Variants in ADK observed in about 807,000 individuals in gnomAD.
The protein encoded by ADK is N6,N6-dimethyladenosine kinase.
A neutral mutation model predicts 44.7 loss-of-function variants in ADK; 24 were observed. That is an observed-to-expected ratio of 0.54 (90% CI 0.39 to 0.76). The LOEUF is 0.76. Among genes scored for constraint, ADK ranks in the 30% least tolerant of loss-of-function variants. ADK has a pLI of 0.00. For synonymous variants in ADK, 128 were observed against 142.6 expected (o/e 0.90, Z 0.73); for missense variants, 321 against 425.1 (o/e 0.76, Z 2.15).
chr10:74,259,314 A>G (rs982245600), intron 3 of ADK, among the ~76,000 whole-genome samples: 1 of 151,050 alleles, frequency 6.6e-6, no homozygotes, highest in Non-Finnish European at 1.5e-5. Flanking sequence ...TTTCAGAATT[A>G]TGTTAAATAA....
intron 7 of ADK, among the ~76,000 whole-genome samples, chr10:74,560,522 A>G (rs186744211): frequency 6.6e-6 from 1 of 152,372 alleles, no homozygotes; most frequent in East Asian, 1.9e-4. Flanking sequence ...TAGGATGATT[A>G]GCAGCTAATT....
chr10:74,672,635 AT>A (rs1855231819), intron 10 of ADK, among the ~76,000 whole-genome samples: 1 of 152,216 alleles, frequency 6.6e-6, no homozygotes, highest in African/African-American at 2.4e-5. Flanking sequence ...TGAGATGAAC[AT>A]CCTAATGTCA....
At chr10:74,292,793 C>T (rs910763435) in intron 3 of ADK, among the ~76,000 whole-genome samples, 1 of 152,004 alleles carries the variant, frequency 6.6e-6, no homozygotes, top group Non-Finnish European at 1.5e-5. Flanking sequence ...ATCTGTACCC[C>T]CACCTCTCTT....
At chr10:74,226,447 T>C (rs1270338552) in intron 3 of ADK, among the ~76,000 whole-genome samples, 1 of 152,214 alleles carries the variant, frequency 6.6e-6, no homozygotes, top group Non-Finnish European at 1.5e-5. Flanking sequence ...ACATATGTTA[T>C]GTGTTCACCC....
intron 4 of ADK, among the ~76,000 whole-genome samples, chr10:74,377,967 G>A (rs1354101953): frequency 1.3e-5 from 2 of 151,798 alleles, no homozygotes; most frequent in Non-Finnish European, 2.9e-5. Flanking sequence ...TCAGTGACTA[G>A]TATAGAATTG....
chr10:74,398,064 A>G (rs979818155), intron 5 of ADK, among the ~76,000 whole-genome samples: 1 of 152,244 alleles, frequency 6.6e-6, no homozygotes, highest in Non-Finnish European at 1.5e-5. Flanking sequence ...TAAATAGACA[A>G]TTATAGTATG....
intron 1 of ADK, chr10:74,176,425 C>A: frequency 9.7e-7 from 1 of 1,027,856 alleles, no homozygotes; most frequent in South Asian, 3.5e-5. Context: ...AGTGCTGTTA[C>A]AGGGAGCTGA....
At chr10:74,241,632 C>T (rs564573842) in intron 3 of ADK, among the ~76,000 whole-genome samples, 45 of 152,224 alleles carry the variant, frequency 3.0e-4, no homozygotes, top group African/African-American at 8.2e-4. Flanking sequence ...GTGATCCACC[C>T]GCCTCGGCCT....
At chr10:74,195,840 C>G (rs578175849) in intron 1 of ADK, among the ~76,000 whole-genome samples, 2 of 151,640 alleles carry the variant, frequency 1.3e-5, no homozygotes, top group African/African-American at 4.8e-5. Flanking sequence ...CCACACGCGG[C>G]TAATTTTTGT....
At chr10:74,632,987 T>C (rs947505835) in intron 9 of ADK, among the ~76,000 whole-genome samples, 10 of 152,228 alleles carry the variant, frequency 6.6e-5, no homozygotes, top group Admixed American at 6.5e-4. Context: ...TTCACAGAGC[T>C]CTAGCTCATT....
intron 9 of ADK, among the ~76,000 whole-genome samples, chr10:74,647,396 T>A (rs1174947401): frequency 2.0e-5 from 3 of 152,182 alleles, no homozygotes; most frequent in Non-Finnish European, 4.4e-5. Flanking sequence ...TTACTAGAGG[T>A]AATAGTTTGA....
intron 4 of ADK, among the ~76,000 whole-genome samples, chr10:74,366,049 C>T (rs540166667): frequency 1.1e-4 from 17 of 152,202 alleles, no homozygotes; most frequent in Admixed American, 3.9e-4. Context: ...CTTACTTTCC[C>T]GTTTTTTATT....
intron 7 of ADK, among the ~76,000 whole-genome samples, chr10:74,583,025 G>C (rs1329515979): frequency 6.6e-6 from 1 of 152,098 alleles, no homozygotes; most frequent in African/African-American, 2.4e-5. Flanking sequence ...CAGAAATAAT[G>C]CATAAGTTAA....
chr10:74,153,203 G>C (rs1400921498), intron 1 of ADK, among the ~76,000 whole-genome samples: 1 of 152,212 alleles, frequency 6.6e-6, no homozygotes, highest in Non-Finnish European at 1.5e-5. Flanking sequence ...TTAGGGATTT[G>C]TGAGAATTTG....
chr10:74,391,603 A>C (rs1034132960), intron 4 of ADK, among the ~76,000 whole-genome samples: 1 of 150,780 alleles, frequency 6.6e-6, no homozygotes, highest in Non-Finnish European at 1.5e-5. Flanking sequence ...ACTACTCAGA[A>C]GACTGAGCTG....
chr10:74,613,861 C>T (rs1338187673), intron 9 of ADK, among the ~76,000 whole-genome samples: 1 of 152,090 alleles, frequency 6.6e-6, no homozygotes, highest in Non-Finnish European at 1.5e-5. Context: ...ACAGCCAAAT[C>T]AATTTTAAAT....
At chr10:74,561,435 G>GA (rs973949572) in intron 7 of ADK, among the ~76,000 whole-genome samples, 1 of 152,154 alleles carries the variant, frequency 6.6e-6, no homozygotes, top group African/African-American at 2.4e-5. Flanking sequence ...GGAAGATGAT[G>GA]AAGAATATGA....
At chr10:74,562,706 C>A (rs1850505829) in intron 7 of ADK, among the ~76,000 whole-genome samples, 1 of 152,180 alleles carries the variant, frequency 6.6e-6, no homozygotes, top group South Asian at 2.1e-4. Flanking sequence ...CTTATCAAAT[C>A]TGGCACAAAA....
At chr10:74,635,289 C>G (rs1853586139) in intron 9 of ADK, among the ~76,000 whole-genome samples, 1 of 152,182 alleles carries the variant, frequency 6.6e-6, no homozygotes, top group Non-Finnish European at 1.5e-5. Context: ...ACTACAGATT[C>G]CTTACAGTGG....
Sources: gnomAD v4.1 joint callset for allele counts (sites outside exome capture counted in the v4.1 genomes callset) on GRCh38, gnomAD v4.1.1 for gene constraint, MANE v1.5 for transcripts, NCBI Gene and HGNC (gene_info 2026-07-23, HGNC 2026-07-21) for gene names.